Variants in PTH2R observed in about 807,000 individuals in gnomAD.
The protein encoded by PTH2R is parathyroid hormone 2 receptor, also known as PTH2 receptor.
PTH2R carries 59 observed loss-of-function variants against 60.3 expected under a neutral mutation model. The observed-to-expected ratio is 0.98, with a 90% confidence interval of 0.79 to 1.22. The LOEUF is 1.22. Ranked by LOEUF, PTH2R falls within the 50% of genes most tolerant of loss-of-function variation. The probability of loss-of-function intolerance (pLI) is 0.00; values close to 1 mark genes in which losing one functional copy is unlikely to be tolerated. For missense variants in PTH2R, 749 were observed against 682.6 expected, an observed-to-expected ratio of 1.10 and a Z score of -1.08; for synonymous variants, 256 against 243.8, an observed-to-expected ratio of 1.05 and a Z score of -0.47.
chr2:208,444,508 C>A (rs1369612872), intron 6 of PTH2R, among the ~76,000 whole-genome samples: 2 of 151,944 alleles, frequency 1.3e-5, no homozygotes, highest in African/African-American at 4.8e-5. Flanking sequence ...TTTTTGGTAA[C>A]TTCTTAAAGA....
chr2:208,424,874 T>C (rs1173475179), intron 1 of PTH2R, among the ~76,000 whole-genome samples: 1 of 152,136 alleles, frequency 6.6e-6, no homozygotes, highest in African/African-American at 2.4e-5. Flanking sequence ...AGGACACAGT[T>C]AGGTCCAAAG....
chr2:208,388,572 A>G (rs963535715), intron 1 of PTH2R, among the ~76,000 whole-genome samples: 1 of 152,180 alleles, frequency 6.6e-6, no homozygotes, highest in Non-Finnish European at 1.5e-5. Context: ...GTAAAGAGAT[A>G]TTGTAACCCC....
intron 9 of PTH2R, among the ~76,000 whole-genome samples, chr2:208,461,057 TC>T (rs2105888584): frequency 6.6e-6 from 1 of 152,222 alleles, no homozygotes; most frequent in South Asian, 2.1e-4. Context: ...AAAGGAATCT[TC>T]AGTTTAGAAG....
rs1703470064 is a variant in PTH2R, at chr2:208,493,866, T to C, written c.*207T>C. On this transcript the variant is annotated 3_prime_UTR_variant, in exon 13 of 13. Coordinates refer to ENST00000272847, the MANE Select transcript of PTH2R (RefSeq NM_005048.4). ...CAATGGAGTAGTTTATTACCTTCTA[T>C]TGGCATCAAGTTTTCCTCTAAATTA... 4.5e-6 allele frequency: 2 copies of C among 442,760 alleles called. No homozygotes were observed. Among genetic ancestry groups the C allele is most frequent in the South Asian group, 9.3e-5 (1 of 10,758 alleles). 27.4% of individuals were successfully genotyped at this position (442,760 alleles called of 1,614,324 possible).
At chr2:208,421,291 A>T (rs1255188174) in intron 1 of PTH2R, among the ~76,000 whole-genome samples, 2 of 152,132 alleles carry the variant, frequency 1.3e-5, no homozygotes, top group Non-Finnish European at 2.9e-5. Context: ...ACTGATCTTC[A>T]GATTTAGTTT....
chr2:208,395,760 C>T (rs190361456), intron 1 of PTH2R, among the ~76,000 whole-genome samples: 1 of 152,266 alleles, frequency 6.6e-6, no homozygotes, highest in African/African-American at 2.4e-5. Flanking sequence ...GATTCAATGC[C>T]ATCCCCATCA....
At chr2:208,483,081 G>A (rs7603073) in intron 10 of PTH2R, among the ~76,000 whole-genome samples, 93 of 152,286 alleles carry the variant, frequency 6.1e-4, no homozygotes, top group African/African-American at 2.2e-3. Flanking sequence ...TTCAGGGGGG[G>A]TCCCTGCAGG....
intron 12 of PTH2R, among the ~76,000 whole-genome samples, chr2:208,492,157 T>A (rs1703418223): frequency 6.6e-6 from 1 of 152,232 alleles, no homozygotes; most frequent in East Asian, 1.9e-4. Context: ...AGCCCCACCC[T>A]ATTAAGAATG....
chr2:208,493,503 C>T lies in PTH2R; in HGVS notation c.1497C>T (p.Asn499=). 1 of 1,613,810 alleles carries T rather than the reference C, an allele frequency of 6.2e-7. No individual in the cohort carries two copies. Among genetic ancestry groups the T allele is most frequent in the Non-Finnish European group, 8.5e-7 (1 of 1,179,840 alleles). Residue 499 remains asparagine (N), a synonymous_variant, in exon 13 of 13, where the codon AAC becomes AAT. Transcript: ENST00000272847. ...HITLPGYVWS[N]SEQDCLPHSF... is the part of the protein sequence containing the mutation. ...CTTTACCTGGCTATGTCTGGAGTAACTCAGAGCAGGACTGCCTGCCACACT... is the reference window on the plus strand; with the variant it reads ...CTTTACCTGGCTATGTCTGGAGTAATTCAGAGCAGGACTGCCTGCCACACT...
chr2:208,428,806 C>T (rs190088276), intron 2 of PTH2R, among the ~76,000 whole-genome samples: 37 of 152,284 alleles, frequency 2.4e-4, no homozygotes, highest in Non-Finnish European at 4.7e-4. Flanking sequence ...TTGGGACAGC[C>T]GGGCACGGTG....
At chr2:208,487,905 G>A (rs1309750175) in intron 10 of PTH2R, among the ~76,000 whole-genome samples, 4 of 152,228 alleles carry the variant, frequency 2.6e-5, no homozygotes, top group Non-Finnish European at 5.9e-5. Context: ...CTGCTAGTGA[G>A]ATGAAAGTTA....
chr2:208,366,582 C>A (rs1212725535), intron 1 of PTH2R, among the ~76,000 whole-genome samples: 1 of 152,318 alleles, frequency 6.6e-6, no homozygotes, highest in East Asian at 1.9e-4. Context: ...TCCTCACCAT[C>A]CCATAATTCT....
intron 1 of PTH2R, among the ~76,000 whole-genome samples, chr2:208,407,826 TG>T (rs1701449047): frequency 6.6e-6 from 1 of 152,074 alleles, no homozygotes; most frequent in South Asian, 2.1e-4. Flanking sequence ...CGTGTAGTGG[TG>T]GATGTTATGC....
rs913122317 is a variant in PTH2R at position 208,372,164 on chromosome 2, G to A, written c.-259+11927G>A. On this transcript the variant is annotated intron_variant, in intron 1 of 12. Coordinates refer to the PTH2R transcript ENST00000617735. ...TCTCGAATTCCTAACCTTGTGATTC[G>A]CCCGCCTCGGCCTCCCAAGGTGCTG... is the stretch of plus-strand genomic sequence containing the variant. Among the ~76,000 whole-genome samples, 9 of 151,962 alleles carry A rather than the reference G, an allele frequency of 5.9e-5. No individual in the cohort carries two copies. In the East Asian group the frequency reaches 1.2e-3, roughly 20 times the overall value.
intron 10 of PTH2R, among the ~76,000 whole-genome samples, chr2:208,487,247 A>C (rs534446873): frequency 6.6e-6 from 1 of 152,312 alleles, no homozygotes; most frequent in African/African-American, 2.4e-5. Context: ...AATCACACTC[A>C]CACAGGTAGT....
chr2:208,479,237 G>T (rs1038263265), intron 9 of PTH2R, among the ~76,000 whole-genome samples: 2 of 151,964 alleles, frequency 1.3e-5, no homozygotes, highest in Non-Finnish European at 2.9e-5. Flanking sequence ...GGGGTGGGGG[G>T]TGCAGATTTA....
chr2:208,471,455 C>T (rs1702877824), intron 9 of PTH2R, among the ~76,000 whole-genome samples: 1 of 152,222 alleles, frequency 6.6e-6, no homozygotes, highest in South Asian at 2.1e-4. Context: ...TGAAAGGGGC[C>T]AATGTAGAGC....
chr2:208,414,875 T>C (rs1461257691), intron 1 of PTH2R, among the ~76,000 whole-genome samples: 7 of 152,078 alleles, frequency 4.6e-5, no homozygotes, highest in East Asian at 1.9e-4. Flanking sequence ...TCAAAACATA[T>C]TGGCCCAGTT....
At chr2:208,434,253 C>T (rs995549599) in intron 2 of PTH2R, among the ~76,000 whole-genome samples, 4 of 151,626 alleles carry the variant, frequency 2.6e-5, no homozygotes, top group African/African-American at 9.7e-5. Context: ...GCGGAGGTTG[C>T]AGTGAGCTGA....
Sources: allele counts gnomAD v4.1 joint callset (sites outside exome capture counted in the v4.1 genomes callset), GRCh38; gene constraint gnomAD v4.1.1; transcripts MANE v1.5; gene names NCBI Gene and HGNC (gene_info 2026-07-23, HGNC 2026-07-21).